CNTNAP5: variants seen among roughly 807,000 people sequenced by gnomAD.
CNTNAP5 encodes the protein contactin-associated protein-like 5.
In CNTNAP5, 72 loss-of-function variants were observed where a neutral mutation model predicts 150.2. That is an observed-to-expected ratio of 0.48 (90% CI 0.40 to 0.58). CNTNAP5 has a LOEUF of 0.58. Ranked by LOEUF, CNTNAP5 falls within the 20% of genes least tolerant of loss-of-function variation. The pLI, the probability that CNTNAP5 is intolerant of heterozygous loss-of-function variation, is 0.00. For missense variants in CNTNAP5, 1,636 were observed against 1,626.2 expected, an observed-to-expected ratio of 1.01 and a Z score of -0.10; for synonymous variants, 672 against 619.8, an observed-to-expected ratio of 1.08 and a Z score of -1.25.
At chr2:124,676,435 T>G (rs1357629331) in intron 13 of CNTNAP5, among the ~76,000 whole-genome samples, 1 of 152,220 alleles carries the variant, frequency 6.6e-6, no homozygotes. Context: ...ACAGTTTTAG[T>G]CAACTTCTTA....
intron 3 of CNTNAP5, among the ~76,000 whole-genome samples, chr2:124,343,302 A>G (rs1041799754): frequency 6.6e-6 from 1 of 152,206 alleles, no homozygotes; most frequent in African/African-American, 2.4e-5. Context: ...CATATTAATA[A>G]CATACCCATA....
chr2:124,843,034 T>G (rs772496089), intron 19 of CNTNAP5, among the ~76,000 whole-genome samples: 26 of 152,082 alleles, frequency 1.7e-4, no homozygotes, highest in Non-Finnish European at 3.2e-4. Context: ...ACCCAATATG[T>G]AACATTTTAT....
chr2:124,895,137 A>AT (rs1185607143), intron 21 of CNTNAP5, among the ~76,000 whole-genome samples: 5 of 151,198 alleles, frequency 3.3e-5, no homozygotes, highest in Non-Finnish European at 4.4e-5. Context: ...ACTTGGTTAT[A>AT]TTTTTTTTAC....
chr2:124,137,595 C>T (rs182799035), intron 1 of CNTNAP5, among the ~76,000 whole-genome samples: 5 of 152,004 alleles, frequency 3.3e-5, no homozygotes, highest in African/African-American at 4.8e-5. Flanking sequence ...CTACTTTGGG[C>T]GCTTTAGGGG....
intron 21 of CNTNAP5, among the ~76,000 whole-genome samples, chr2:124,888,933 C>G (rs1021763355): frequency 2.0e-5 from 3 of 151,892 alleles, no homozygotes; most frequent in African/African-American, 7.3e-5. Flanking sequence ...TGCAGAAGCT[C>G]TTTAGTTTAA....
At chr2:124,659,290 G>C (rs1678526489) in intron 13 of CNTNAP5, among the ~76,000 whole-genome samples, 1 of 152,144 alleles carries the variant, frequency 6.6e-6, no homozygotes. Flanking sequence ...GTTTACGTGT[G>C]TGTGTCAGAT....
intron 14 of CNTNAP5, among the ~76,000 whole-genome samples, chr2:124,760,986 T>C (rs1680944454): frequency 6.6e-6 from 1 of 152,156 alleles, no homozygotes; most frequent in African/African-American, 2.4e-5. Context: ...ATTCAACTCA[T>C]GTCGTCTGAT....
At position 124,025,669 on chromosome 2, in the gene CNTNAP5, C is replaced by A. The variant is rs765621375; in HGVS notation, c.19C>A (p.Leu7Met). MDSLPR[L>M]TSVLTLLFSG... ...GGGGGAAATGGATTCTTTACCACGGCTGACCAGCGTTTTGACTTTGCTGTT... is the reference window on the plus strand; with the variant it reads ...GGGGGAAATGGATTCTTTACCACGGATGACCAGCGTTTTGACTTTGCTGTT... Residue 7 changes from leucine (L) to methionine (M), a missense_variant, in exon 1 of 24, where the codon CTG becomes ATG. Physicochemically the swap from Leu to Met is conservative, Grantham distance 15. Transcript: ENST00000682447. The A allele has an allele frequency of 4.3e-6, 7 of 1,613,892 alleles. No individual in the cohort carries two copies.
At chr2:124,883,204 A>T (rs1678003460) in intron 21 of CNTNAP5, among the ~76,000 whole-genome samples, 1 of 151,914 alleles carries the variant, frequency 6.6e-6, no homozygotes, top group Admixed American at 6.6e-5. Context: ...TGGGAAGACA[A>T]GGTCATACTG....
At chr2:124,480,867 C>T (rs1283273554) in intron 7 of CNTNAP5, among the ~76,000 whole-genome samples, 2 of 152,148 alleles carry the variant, frequency 1.3e-5, no homozygotes, top group Non-Finnish European at 2.9e-5. Context: ...AAGTTATTCA[C>T]TCACTGAACA....
intron 9 of CNTNAP5, 25 bp downstream of exon 9, chr2:124,524,477 G>T: frequency 1.3e-6 from 2 of 1,582,592 alleles, no homozygotes; most frequent in South Asian, 2.3e-5. Flanking sequence ...CTTTAAGAGG[G>T]AAAATTAAGA....
At chr2:124,542,287 G>A (rs1248614121) in intron 10 of CNTNAP5, among the ~76,000 whole-genome samples, 1 of 148,490 alleles carries the variant, frequency 6.7e-6, no homozygotes, top group Admixed American at 6.9e-5. Context: ...CATTTACTGA[G>A]CATCTAGTAT....
chr2:124,312,618 C>T (rs1452466092), intron 3 of CNTNAP5, among the ~76,000 whole-genome samples: 2 of 151,994 alleles, frequency 1.3e-5, no homozygotes, highest in African/African-American at 4.8e-5. Flanking sequence ...TCGCCCAGGC[C>T]GGACTGCAGT....
At chr2:124,556,570 G>T (rs752341954) in intron 10 of CNTNAP5, among the ~76,000 whole-genome samples, 62 of 152,164 alleles carry the variant, frequency 4.1e-4, no homozygotes, top group Non-Finnish European at 7.2e-4. Context: ...AAGGGGTCAA[G>T]AACGGAAGCT....
At chr2:124,136,402 A>G (rs1350669675) in intron 1 of CNTNAP5, among the ~76,000 whole-genome samples, 1 of 152,200 alleles carries the variant, frequency 6.6e-6, no homozygotes, top group Non-Finnish European at 1.5e-5. Flanking sequence ...TAAAAAAATC[A>G]TAGATTGAAA....
chr2:124,694,610 A>T (rs145181540), intron 13 of CNTNAP5, among the ~76,000 whole-genome samples: 1 of 152,320 alleles, frequency 6.6e-6, no homozygotes, highest in Admixed American at 6.5e-5. Flanking sequence ...AATGTTTAAT[A>T]ACAAGGTCTC....
intron 3 of CNTNAP5, among the ~76,000 whole-genome samples, chr2:124,362,193 A>T (rs1690228640): frequency 6.6e-6 from 1 of 152,200 alleles, no homozygotes; most frequent in Non-Finnish European, 1.5e-5. Context: ...GAACCCGCTG[A>T]CCTGCGCCCA....
At chr2:124,066,678 AT>A (rs1351421852) in intron 1 of CNTNAP5, among the ~76,000 whole-genome samples, 2 of 152,066 alleles carry the variant, frequency 1.3e-5, no homozygotes, top group Non-Finnish European at 2.9e-5. Flanking sequence ...AGTTTATCTT[AT>A]TATTTAAAAA....
intron 13 of CNTNAP5, among the ~76,000 whole-genome samples, chr2:124,655,962 A>AG (rs1357017640): frequency 7.0e-6 from 1 of 143,716 alleles, no homozygotes; most frequent in Non-Finnish European, 1.5e-5. Flanking sequence ...AAAGAAAGAA[A>AG]GAAAGAAAGA....
Sources: allele counts gnomAD v4.1 joint callset (sites outside exome capture counted in the v4.1 genomes callset), GRCh38; gene constraint gnomAD v4.1.1; transcripts MANE v1.5; gene names NCBI Gene and HGNC (gene_info 2026-07-23, HGNC 2026-07-21).